The following TRPM5 variants were observed in gnomAD, a reference collection of about 807,000 sequenced individuals.
TRPM5 encodes the protein transient receptor potential cation channel subfamily M member 5, also known as MLSN1 and TRP-related.
Under a neutral mutation model 124.9 loss-of-function variants are expected in TRPM5, and 121 were observed. That is an observed-to-expected ratio of 0.97 (90% CI 0.84 to 1.13). The LOEUF is 1.13. Among genes scored for constraint, TRPM5 ranks in the 50% most tolerant of loss-of-function variants. The pLI, the probability that TRPM5 is intolerant of heterozygous loss-of-function variation, is 0.00. For synonymous variants in TRPM5, 781 were observed against 700.5 expected (o/e 1.11, Z -1.81); for missense variants, 1,643 against 1,589.1 (o/e 1.03, Z -0.58).
exon 24 of TRPM5, chr11:2,404,685 G>A (rs762250012): frequency 3.8e-6 from 2 of 520,248 alleles, no homozygotes; most frequent in South Asian, 2.4e-5. Flanking sequence ...GGTGGGGCAC[G>A]TTTTCTGCCC....
chr11:2,406,611 C>A, intron 21 of TRPM5, 50 bp downstream of exon 26: 1 of 1,546,126 alleles, frequency 6.5e-7, no homozygotes. Context: ...GGCACATCCC[C>A]GCTTAAAGAC....
In TRPM5 at chr11:2,420,212, C is replaced by A. The variant is rs769153625; in HGVS notation, c.649+10G>T. 2.5e-6 allele frequency: 4 copies of A among 1,582,654 alleles called. No individual in the cohort carries two copies. Among genetic ancestry groups the A allele is most frequent in the Non-Finnish European group, 3.4e-6 (4 of 1,169,094 alleles). On this transcript the variant is annotated intron_variant, in intron 4 of 23. Coordinates refer to ENST00000155858, the Ensembl canonical transcript of TRPM5. ...CCAAGGCTTCCCTGGGTGGCTGGGG[C>A]GGGTCTCACCCCCGTAGCCCGCCCT...
Position 2,412,262 on chromosome 11 carries a change from G to C in TRPM5, c.2356-9C>G. On this transcript the variant is annotated splice_polypyrimidine_tract_variant and intron_variant, in intron 15 of 23. Transcript: ENST00000155858. ...TCGTCTGTGAAGAAGCCCTGGGAGG[G>C]AGGTGGGCAGTCCACTGACAGCTGT... 1 of 1,606,476 alleles carries C rather than the reference G, an allele frequency of 6.2e-7. No individual in the cohort carries two copies. The highest frequency in any genetic ancestry group is 8.5e-7 in the Non-Finnish European group (1 of 1,173,974).
the TRPM5 span, among the ~76,000 whole-genome samples, chr11:2,436,381 G>A: frequency 1.3e-5 from 2 of 152,244 alleles, no homozygotes; most frequent in Non-Finnish European, 2.9e-5. Flanking sequence ...GGCCCACCTT[G>A]GCCTGGAAGG....
exon 22 of TRPM5, chr11:2,406,038 A>G: frequency 6.2e-7 from 1 of 1,612,110 alleles, no homozygotes; most frequent in Non-Finnish European, 8.5e-7. Context: ...CAGACACTTG[A>G]TGCGCTTTTC....
At chr11:2,414,070 G>A (rs141189141) in exon 12 of TRPM5, 103 of 1,310,826 alleles carry the variant, frequency 7.9e-5, no homozygotes, top group Non-Finnish European at 7.9e-5. Flanking sequence ...CCTGAACGCC[G>A]TCGTGGGCAA....
At chr11:2,443,987 G>A in the TRPM5 span, among the ~76,000 whole-genome samples, 1 of 152,152 alleles carries the variant, frequency 6.6e-6, no homozygotes, top group Non-Finnish European at 1.5e-5. The surrounding 1 kb of genome is among the most constrained non-coding windows in gnomAD (Gnocchi z 5.0). Context: ...AGGACAAGGC[G>A]CCCATTCTCC....
chr11:2,423,317 T>C (rs1403268013), upstream of TRPM5, among the ~76,000 whole-genome samples: 2 of 152,212 alleles, frequency 1.3e-5, no homozygotes, highest in Non-Finnish European at 2.9e-5. Context: ...GGGGCTCCGC[T>C]GTCAGCGCCT....
intron 18 of TRPM5, among the ~76,000 whole-genome samples, chr11:2,409,505 A>C (rs1333406615): frequency 6.6e-6 from 1 of 152,168 alleles, no homozygotes; most frequent in East Asian, 1.9e-4. Flanking sequence ...GCTCAACCCC[A>C]GCTCCGGCTC....
At chr11:2,408,471 A>G (rs989205219) in intron 18 of TRPM5, among the ~76,000 whole-genome samples, 1 of 152,198 alleles carries the variant, frequency 6.6e-6, no homozygotes, top group African/African-American at 2.4e-5. Context: ...CAGGCTCCAG[A>G]CTGGGCTTGC....
exon 9 of TRPM5, chr11:2,415,304 C>G: frequency 6.3e-7 from 1 of 1,581,738 alleles, no homozygotes; most frequent in Non-Finnish European, 8.5e-7. Flanking sequence ...GCTTCCGCTG[C>G]AGCAGGTCGA....
intron 2 of TRPM5, among the ~76,000 whole-genome samples, chr11:2,421,486 C>T (rs530816312): frequency 4.6e-5 from 7 of 152,344 alleles, no homozygotes; most frequent in South Asian, 2.1e-4. Context: ...GTGCTCCCTC[C>T]GGGACACATC....
In TRPM5 at chr11:2,405,600, A is replaced by G. The variant is rs1317312852; in HGVS notation, c.3325-7T>C. On this transcript the variant is annotated splice_polypyrimidine_tract_variant and splice_region_variant and intron_variant, in intron 22 of 23. Transcript: ENST00000155858. ...GCACCGAGCAGTAGTTGATCTGGAG[A>G]AGGGAAACACGTCCGGGAAGCTCCA... The G allele has an allele frequency of 6.4e-7, 1 of 1,559,106 alleles. No individual in the cohort carries two copies. Among genetic ancestry groups the G allele is most frequent in the Non-Finnish European group, 8.7e-7 (1 of 1,151,034 alleles).
At chr11:2,421,046 G>A in exon 3 of TRPM5, 1 of 1,544,716 alleles carries the variant, frequency 6.5e-7, no homozygotes, top group African/African-American at 1.4e-5. Context: ...GCCTCCTCCA[G>A]AATGCGGCGG....
upstream of TRPM5, among the ~76,000 whole-genome samples, chr11:2,426,677 C>T (rs189932324): frequency 7.2e-5 from 11 of 152,298 alleles, no homozygotes; most frequent in South Asian, 1.4e-3. Context: ...GGGGTCCCAG[C>T]CCCGCTCATC....
chr11:2,411,328 T>TGCCCCC (rs766332299), intron 18 of TRPM5, 24 bp downstream of exon 23: 15 of 1,543,312 alleles, frequency 9.7e-6, no homozygotes, highest in African/African-American at 1.4e-5. Context: ...TCCCTGCCCC[T>TGCCCCC]GCCCCCGCTG....
chr11:2,438,695 A>C, the TRPM5 span, among the ~76,000 whole-genome samples: 362 of 152,308 alleles, frequency 2.4e-3, 3 homozygotes, highest in African/African-American at 7.9e-3. This position sits in a 1 kb window ranked among gnomAD's most constrained non-coding sequence, Gnocchi z 5.9. Flanking sequence ...ACACAAATGG[A>C]AACACATTCC....
Position 2,417,965 on chromosome 11 carries a change from G to T in TRPM5, c.907-136C>A. ...CAGCCTGCATGCCCACCGCCCACCG[G>T]GCCCGGCCTGGGACCACCCGCAGAC... On this transcript the variant is annotated intron_variant, in intron 6 of 23. Transcript: ENST00000155858. 5.9e-6 allele frequency: 6 copies of T among 1,022,512 alleles called. No individual in the cohort carries two copies. The South Asian group carries it at 9.3e-5, about 16-fold the overall frequency. 63.3% of individuals were successfully genotyped at this position (1,022,512 alleles called of 1,614,324 possible).
At position 2,413,124 on chromosome 11, in the gene TRPM5, T is replaced by TG. The variant is rs776391981; in HGVS notation, c.2096+9dup. On this transcript the variant is annotated intron_variant, in intron 14 of 23. Transcript: ENST00000155858. ...GTCCCCTCCACCCTGCCTGGCCCTG[T>TG]GCCTCGCACCGGCTCTGCAGGCCAT... 6.4e-7 allele frequency: 1 copy of TG among 1,553,410 alleles called. No homozygotes were observed. Among genetic ancestry groups the TG allele is most frequent in the South Asian group, 1.2e-5 (1 of 84,142 alleles).
Sources: allele counts gnomAD v4.1 joint callset (sites outside exome capture counted in the v4.1 genomes callset), GRCh38; gene constraint gnomAD v4.1.1; non-coding constraint Gnocchi (gnomAD v3.1); transcripts MANE v1.5; gene names NCBI Gene and HGNC (gene_info 2026-07-23, HGNC 2026-07-21).